Variants in COLEC10 observed in about 807,000 individuals in gnomAD.
COLEC10 encodes collectin-10.
COLEC10 carries 22 observed loss-of-function variants against 28.4 expected under a neutral mutation model. The ratio of observed to expected loss-of-function variants is 0.78; its 90% CI spans 0.55 to 1.11. The LOEUF is 1.11. Among genes scored for constraint, COLEC10 ranks in the 50% least tolerant of loss-of-function variants. The probability of loss-of-function intolerance (pLI) is 0.00; values close to 1 mark genes in which losing one functional copy is unlikely to be tolerated. For missense variants in COLEC10, 361 were observed against 344.1 expected, an observed-to-expected ratio of 1.05 and a Z score of -0.39; for synonymous variants, 125 against 116.1, an observed-to-expected ratio of 1.08 and a Z score of -0.49.
chr8:118,986,322 C>T, the COLEC10 span, among the ~76,000 whole-genome samples: 10,308 of 152,068 alleles, frequency 0.068, 616 homozygotes, highest in East Asian at 0.17. Flanking sequence ...ATGCTCTGAG[C>T]AGCAGAATAA....
the COLEC10 span, among the ~76,000 whole-genome samples, chr8:118,961,876 C>T: frequency 6.6e-6 from 1 of 152,156 alleles, no homozygotes; most frequent in African/African-American, 2.4e-5. Flanking sequence ...TACTCTGTTC[C>T]TAAGAAATGA....
upstream of COLEC10, chr8:119,062,805 A>G (rs1054665163): frequency 3.9e-5 from 6 of 152,226 alleles, no homozygotes; most frequent in Admixed American, 3.3e-4. Flanking sequence ...CGGTTTTAAA[A>G]TATGAAATTT....
chr8:119,083,252 C>T (rs1474916984), intron 1 of COLEC10, among the ~76,000 whole-genome samples: 3 of 152,188 alleles, frequency 2.0e-5, no homozygotes. Flanking sequence ...TGTGGGTTCT[C>T]TCTTAATGGT....
chr8:119,054,178 T>A (rs1011966471), intron 2 of COLEC10, among the ~76,000 whole-genome samples: 2 of 152,104 alleles, frequency 1.3e-5, no homozygotes, highest in Non-Finnish European at 2.9e-5. Context: ...CCAGGCAGAA[T>A]AGAGTAGGAT....
intron 1 of COLEC10, among the ~76,000 whole-genome samples, chr8:119,003,185 T>G (rs1028437895): frequency 6.6e-6 from 1 of 152,174 alleles, no homozygotes; most frequent in East Asian, 1.9e-4. Flanking sequence ...TATTTGACTA[T>G]GTTTTTCAAC....
chr8:118,980,557 C>CTA, the COLEC10 span, among the ~76,000 whole-genome samples: 1 of 151,854 alleles, frequency 6.6e-6, no homozygotes, highest in Non-Finnish European at 1.5e-5. Context: ...TAAGGAAGTT[C>CTA]CATTATATTT....
intron 4 of COLEC10, chr8:119,102,663 T>G (rs1815861232): frequency 2.7e-6 from 1 of 365,210 alleles, no homozygotes; most frequent in African/African-American, 2.1e-5. Context: ...GGAAGCAGCC[T>G]AATTCTTCTG....
chr8:118,988,547 G>C, the COLEC10 span, among the ~76,000 whole-genome samples: 2 of 152,102 alleles, frequency 1.3e-5, no homozygotes, highest in Non-Finnish European at 2.9e-5. Context: ...AGTAGGAGAC[G>C]AGAGAAAAAG....
At chr8:119,093,907 A>T (rs1815659934) in intron 3 of COLEC10, among the ~76,000 whole-genome samples, 1 of 152,194 alleles carries the variant, frequency 6.6e-6, no homozygotes, top group African/African-American at 2.4e-5. Flanking sequence ...AGTTTCCCTC[A>T]ACATCCTTCT....
At position 119,107,331 on chromosome 8, in the gene COLEC10, C is replaced by A. The variant is rs965720321; in HGVS notation, c.*1140C>A. ...CACAGAATTCGGAACATGCTTAGAA[C>A]TCACATTTACTGAGCTGGTAAAATT... On this transcript the variant is annotated 3_prime_UTR_variant, in exon 6 of 6. Coordinates refer to ENST00000332843, the MANE Select transcript of COLEC10 (RefSeq NM_006438.5). Among the ~76,000 whole-genome samples, 7 of 152,166 alleles carry A rather than the reference C, an allele frequency of 4.6e-5. No individual in the cohort carries two copies. Among genetic ancestry groups the A allele is most frequent in the African/African-American group, 9.6e-5 (4 of 41,454 alleles).
chr8:119,004,190 G>T (rs1813747438), intron 1 of COLEC10, among the ~76,000 whole-genome samples: 1 of 151,832 alleles, frequency 6.6e-6, no homozygotes, highest in Non-Finnish European at 1.5e-5. Context: ...TTGACCCCTG[G>T]GGAAATAGTT....
At chr8:119,071,189 T>A (rs536688870) in intron 1 of COLEC10, among the ~76,000 whole-genome samples, 6 of 152,356 alleles carry the variant, frequency 3.9e-5, no homozygotes, top group African/African-American at 1.4e-4. Flanking sequence ...GGTACTAAAA[T>A]ATGCTGAAAA....
chr8:119,082,866 G>A (rs1815395276), intron 1 of COLEC10, among the ~76,000 whole-genome samples: 1 of 152,180 alleles, frequency 6.6e-6, no homozygotes, highest in Non-Finnish European at 1.5e-5. Context: ...AAAGAATAGT[G>A]GAGAGTTTGA....
the COLEC10 span, among the ~76,000 whole-genome samples, chr8:118,955,686 G>C: frequency 6.6e-6 from 1 of 152,212 alleles, no homozygotes; most frequent in South Asian, 2.1e-4. Context: ...ATGGTGAAGA[G>C]GTGGGGAGGG....
At chr8:119,017,547 A>G (rs569711959) in intron 2 of COLEC10, among the ~76,000 whole-genome samples, 12 of 152,260 alleles carry the variant, frequency 7.9e-5, no homozygotes, top group Admixed American at 3.3e-4. Context: ...CATGTCTTCC[A>G]CAAGTACATG....
chr8:119,073,774 A>T (rs921213627), intron 1 of COLEC10, among the ~76,000 whole-genome samples: 3 of 152,044 alleles, frequency 2.0e-5, no homozygotes, highest in Admixed American at 2.0e-4. Flanking sequence ...GTATGAATTT[A>T]ATAAGCCATG....
At chr8:118,958,364 T>A in the COLEC10 span, among the ~76,000 whole-genome samples, 2 of 152,240 alleles carry the variant, frequency 1.3e-5, no homozygotes, top group Non-Finnish European at 2.9e-5. Flanking sequence ...AAAGACACAC[T>A]GCTTCTGCTG....
chr8:118,954,823 A>G, the COLEC10 span, among the ~76,000 whole-genome samples: 1 of 152,196 alleles, frequency 6.6e-6, no homozygotes, highest in Non-Finnish European at 1.5e-5. Flanking sequence ...TCCTACAGGG[A>G]AGACACTTTA....
intron 2 of COLEC10, among the ~76,000 whole-genome samples, chr8:119,023,661 TA>T (rs1814136158): frequency 6.6e-6 from 1 of 152,158 alleles, no homozygotes; most frequent in South Asian, 2.1e-4. Context: ...TAACAGTAAG[TA>T]AAACAGAACA....
Sources: gnomAD v4.1 joint callset for allele counts (sites outside exome capture counted in the v4.1 genomes callset) on GRCh38, gnomAD v4.1.1 for gene constraint, MANE v1.5 for transcripts, NCBI Gene and HGNC (gene_info 2026-07-23, HGNC 2026-07-21) for gene names.